DPH6: variants seen among roughly 807,000 people sequenced by gnomAD.
DPH6 encodes the protein diphthamine biosynthesis 6, also known as diphthine--ammonia ligase.
DPH6 carries 33 observed loss-of-function variants against 38.2 expected under a neutral mutation model. The observed-to-expected ratio is 0.86, with a 90% CI of 0.65 to 1.15. DPH6 has a LOEUF of 1.15. DPH6 is among the 50% of genes most tolerant of loss of function. The pLI is 0.00. For missense variants in DPH6, 325 were observed against 320.0 expected (o/e 1.02, Z -0.12); for synonymous variants, 108 against 103.0 (o/e 1.05, Z -0.30).
chr15:35,295,372 C>T (rs947813255), intron 3 of DPH6, among the ~76,000 whole-genome samples: 2 of 152,198 alleles, frequency 1.3e-5, no homozygotes, highest in Non-Finnish European at 2.9e-5. Flanking sequence ...AGACAGGACT[C>T]TAAGTCTGCA....
intron 6 of DPH6, among the ~76,000 whole-genome samples, chr15:35,384,410 T>C (rs2052915742): frequency 6.6e-6 from 1 of 152,156 alleles, no homozygotes; most frequent in African/African-American, 2.4e-5. Flanking sequence ...GCTATGACAT[T>C]TGATAAGTTC....
At chr15:35,425,601 T>C (rs2053558565) in intron 5 of DPH6, among the ~76,000 whole-genome samples, 1 of 151,034 alleles carries the variant, frequency 6.6e-6, no homozygotes, top group African/African-American at 2.4e-5. Flanking sequence ...AATATATATG[T>C]ATAAAACATA....
At chr15:35,503,437 A>G (rs1206567495) in intron 3 of DPH6, among the ~76,000 whole-genome samples, 1 of 152,046 alleles carries the variant, frequency 6.6e-6, no homozygotes, top group East Asian at 1.9e-4. Context: ...ATTCTCCTCA[A>G]AGCACTTCAT....
intron 1 of DPH6, among the ~76,000 whole-genome samples, chr15:35,543,407 T>C (rs2055295724): frequency 6.6e-6 from 1 of 151,594 alleles, no homozygotes; most frequent in African/African-American, 2.4e-5. Context: ...TATCACTTAG[T>C]AAAGACAAGC....
At chr15:35,438,161 G>A (rs955841468) in intron 5 of DPH6, among the ~76,000 whole-genome samples, 1 of 152,092 alleles carries the variant, frequency 6.6e-6, no homozygotes, top group African/African-American at 2.4e-5. Context: ...CTTGTATCTC[G>A]TTTTTCTGGA....
chr15:35,544,478 G>T (rs1300908908), intron 1 of DPH6, among the ~76,000 whole-genome samples: 1 of 151,822 alleles, frequency 6.6e-6, no homozygotes, highest in African/African-American at 2.4e-5. Context: ...TTCTGCACAT[G>T]TAACCCAGAA....
chr15:35,348,040 G>C (rs1250713713), intron 3 of DPH6, among the ~76,000 whole-genome samples: 1 of 151,936 alleles, frequency 6.6e-6, no homozygotes, highest in Non-Finnish European at 1.5e-5. Context: ...GATATATTCT[G>C]GAATATTAAC....
chr15:35,310,058 C>T (rs536636992), intron 3 of DPH6, among the ~76,000 whole-genome samples: 2 of 152,218 alleles, frequency 1.3e-5, no homozygotes, highest in South Asian at 2.1e-4. Flanking sequence ...CTTAGGTGAA[C>T]ATTTGAATCA....
chr15:35,513,551 G>C (rs950103630), intron 3 of DPH6, among the ~76,000 whole-genome samples: 3 of 151,962 alleles, frequency 2.0e-5, no homozygotes, highest in Admixed American at 6.6e-5. Flanking sequence ...TAATGCCAAT[G>C]TTATTTTTAC....
chr15:35,446,799 T>C (rs575846807), intron 5 of DPH6, among the ~76,000 whole-genome samples: 180 of 152,124 alleles, frequency 1.2e-3, no homozygotes, highest in African/African-American at 4.1e-3. Context: ...GTAACTGTAG[T>C]GAACTGCTCC....
At chr15:35,241,766 T>C (rs142920940) in intron 3 of DPH6, among the ~76,000 whole-genome samples, 10,059 of 142,462 alleles carry the variant, frequency 0.071, 1,940 homozygotes, top group African/African-American at 0.24. Flanking sequence ...TGCCAATATC[T>C]CATCCCACAG....
intron 6 of DPH6, among the ~76,000 whole-genome samples, chr15:35,386,125 G>T (rs1206351848): frequency 1.3e-5 from 2 of 151,944 alleles, no homozygotes; most frequent in Non-Finnish European, 2.9e-5. Context: ...GTGATAGTTT[G>T]CTGAGAATGA....
At chr15:35,375,504 G>C (rs1174049034) in intron 7 of DPH6, among the ~76,000 whole-genome samples, 1 of 152,014 alleles carries the variant, frequency 6.6e-6, no homozygotes, top group Non-Finnish European at 1.5e-5. Flanking sequence ...CTGCTTCATG[G>C]ATTTCTCTGA....
chr15:35,376,023 T>A (rs761646007), intron 7 of DPH6, among the ~76,000 whole-genome samples: 2 of 152,130 alleles, frequency 1.3e-5, no homozygotes, highest in Non-Finnish European at 2.9e-5. Flanking sequence ...TCAAATGTTA[T>A]TTCCATGAAG....
chr15:35,204,058 A>G, the DPH6 span, among the ~76,000 whole-genome samples: 1 of 151,862 alleles, frequency 6.6e-6, no homozygotes, highest in South Asian at 2.1e-4. Context: ...GCAATCCTCT[A>G]AACTTGAAAA....
At chr15:35,490,224 G>C in intron 3 of DPH6, 1 of 980,544 alleles carries the variant, frequency 1.0e-6, no homozygotes, top group Non-Finnish European at 1.2e-6. Flanking sequence ...AGGAAGGAAA[G>C]AAAAAAAGAA....
intron 3 of DPH6, among the ~76,000 whole-genome samples, chr15:35,476,970 G>A (rs1203215519): frequency 2.0e-5 from 3 of 151,562 alleles, no homozygotes; most frequent in Non-Finnish European, 4.4e-5. Flanking sequence ...AACACAACAT[G>A]AGACTTTCAA....
At chr15:35,341,831 C>T (rs2140878766) in intron 3 of DPH6, among the ~76,000 whole-genome samples, 2 of 152,276 alleles carry the variant, frequency 1.3e-5, no homozygotes, top group East Asian at 3.9e-4. Context: ...AGGTCTCACC[C>T]AGTCAGTAGG....
intron 3 of DPH6, among the ~76,000 whole-genome samples, chr15:35,470,115 T>C (rs2054178890): frequency 6.6e-6 from 1 of 152,126 alleles, no homozygotes; most frequent in Non-Finnish European, 1.5e-5. Context: ...GGAGAATTGC[T>C]TGAACCCGGG....
Sources: gnomAD v4.1 joint callset for allele counts (sites outside exome capture counted in the v4.1 genomes callset) on GRCh38, gnomAD v4.1.1 for gene constraint, MANE v1.5 for transcripts, NCBI Gene and HGNC (gene_info 2026-07-23, HGNC 2026-07-21) for gene names.